DSCAM: variants seen among roughly 807,000 people sequenced by gnomAD.
DSCAM encodes the protein DS cell adhesion molecule.
A neutral mutation model predicts 217.7 loss-of-function variants in DSCAM; 47 were observed. The ratio of observed to expected loss-of-function variants is 0.22; its 90% CI spans 0.17 to 0.28. The LOEUF (loss-of-function observed/expected upper bound fraction) is 0.28. Among genes scored for constraint, DSCAM ranks in the 10% least tolerant of loss-of-function variants. DSCAM has a pLI of 1.00. For synonymous variants in DSCAM, 1,056 were observed against 1,015.3 expected (o/e 1.04, Z -0.76); for missense variants, 2,080 against 2,618.3 (o/e 0.79, Z 4.49).
At chr21:40,736,962 C>T (rs148052337) in intron 1 of DSCAM, among the ~76,000 whole-genome samples, 155 of 151,966 alleles carry the variant, frequency 1.0e-3, no homozygotes, top group African/African-American at 3.5e-3. Flanking sequence ...TTAAAAAGAC[C>T]GTGAAACACT....
chr21:40,184,685 G>A lies in DSCAM; in HGVS notation c.2779+2446C>T, dbSNP rs1173366286. Among the ~76,000 whole-genome samples, 3 of 152,184 alleles carry A rather than the reference G, an allele frequency of 2.0e-5. No individual in the cohort carries two copies. In the East Asian group the frequency reaches 5.8e-4, roughly 29 times the overall value. ...AATGATTCTTAGATTTCAATTGCAT[G>A]TAAATTAATGCAATAAACATTTACA... On this transcript the variant is annotated intron_variant, in intron 14 of 32. Transcript: ENST00000400454.
Position 40,013,081 on chromosome 21 carries a change from G to A in DSCAM, c.5992C>T (p.His1998Tyr). The change falls in exon 33 of 33, where the codon CAT becomes TAT. Residue 1998 changes from histidine to tyrosine, a missense_variant. By Grantham distance (83) the His-to-Tyr change is moderately conservative. This residue lies in a region of DSCAM where 145 missense variants were observed against 138.5 expected (regional missense o/e 1.05). Coordinates refer to ENST00000400454, the MANE Select transcript of DSCAM (RefSeq NM_001389.5). ...SQESLLDSRG[H>Y]LKGNNPYAKS... The stretch of plus-strand genomic sequence containing the variant: ...GCGTAAGGATTGTTTCCTTTCAAAT[G>A]GCCCCGGGAGTCGAGCAGTGATTCT... 6.4e-7 allele frequency: 1 copy of A among 1,571,212 alleles called. No individual in the cohort carries two copies. Among genetic ancestry groups the A allele is most frequent in the South Asian group, 1.2e-5 (1 of 83,552 alleles).
chr21:40,660,168 A>G (rs2090123591), intron 3 of DSCAM, among the ~76,000 whole-genome samples: 2 of 152,224 alleles, frequency 1.3e-5, no homozygotes, highest in African/African-American at 4.8e-5. Context: ...CCACACAGTT[A>G]ATGAGCAGCA....
chr21:40,626,450 C>T (rs1340777203), intron 3 of DSCAM, among the ~76,000 whole-genome samples: 2 of 152,188 alleles, frequency 1.3e-5, no homozygotes, highest in Non-Finnish European at 2.9e-5. Context: ...TCTTCACCCA[C>T]CCACTGTGTC....
chr21:40,652,357 A>G (rs2090025575), intron 3 of DSCAM, among the ~76,000 whole-genome samples: 1 of 152,128 alleles, frequency 6.6e-6, no homozygotes, highest in Admixed American at 6.5e-5. Flanking sequence ...CAAAAAAAAA[A>G]AAAAACAACT....
intron 2 of DSCAM, among the ~76,000 whole-genome samples, chr21:40,702,707 CTTCT>C (rs1210073538): frequency 9.3e-5 from 14 of 150,886 alleles, no homozygotes; most frequent in African/African-American, 3.4e-4. Context: ...TTATCATTTT[CTTCT>C]TTGTTTTGGA....
intron 1 of DSCAM, among the ~76,000 whole-genome samples, chr21:40,736,980 ATACT>A (rs2091070175): frequency 6.6e-6 from 1 of 152,214 alleles, no homozygotes; most frequent in Non-Finnish European, 1.5e-5. Context: ...ACTATAGAAA[ATACT>A]TAAGATAAAA....
At position 40,387,855 on chromosome 21, in the gene DSCAM, T is replaced by G. The variant is rs73357171; in HGVS notation, c.509-18610A>C. Among the ~76,000 whole-genome samples the G allele has an allele frequency of 5.9e-3, 892 of 152,314 alleles. 11 individuals carry two copies. Among genetic ancestry groups the G allele is most frequent in the African/African-American group, 0.02 (826 of 41,560 alleles). On this transcript the variant is annotated intron_variant, in intron 3 of 32. Coordinates refer to ENST00000400454, the MANE Select transcript of DSCAM (RefSeq NM_001389.5). Reference sequence around the variant, plus strand: ...AAATATTAGATAAACAATAAAATATTTGCAGAATGGGCAGAAATAAAACAC... The same window carrying G: ...AAATATTAGATAAACAATAAAATATGTGCAGAATGGGCAGAAATAAAACAC...
rs529239169 is a variant in DSCAM, at chr21:40,786,249, A to G, written c.43+60370T>C. Among the ~76,000 whole-genome samples the G allele has an allele frequency of 1.7e-4, 21 of 126,490 alleles. 1 individual carries two copies. The South Asian group carries it at 7.2e-3, about 43-fold the overall frequency. 83.0% of individuals were successfully genotyped at this position (126,490 alleles called of 152,430 possible). On this transcript the variant is annotated intron_variant, in intron 1 of 32. Transcript: ENST00000400454. ...GAAACTCAGTCTCAAAACAAAACAAAGAAAGAAGGAAGGAAGGAAGGAAAG... is the reference window on the plus strand; with the variant it reads ...GAAACTCAGTCTCAAAACAAAACAAGGAAAGAAGGAAGGAAGGAAGGAAAG...
chr21:40,221,359 A>G lies in DSCAM; in HGVS notation c.2357-32121T>C, dbSNP rs1206024394. On this transcript the variant is annotated intron_variant, in intron 11 of 32. Coordinates refer to ENST00000400454, the MANE Select transcript of DSCAM (RefSeq NM_001389.5). Reference sequence around the variant, plus strand: ...AAAATTATTTCATATGTATATTTATATGTATAATAATGTGTACGTGTATAA... The same window carrying G: ...AAAATTATTTCATATGTATATTTATGTGTATAATAATGTGTACGTGTATAA... 1.1e-4 allele frequency among the ~76,000 whole-genome samples: 16 copies of G among 150,738 alleles called. No homozygotes were observed. The Admixed American group carries it at 1.1e-3, about 10-fold the overall frequency.
At chr21:40,157,048 C>G (rs1225903095) in intron 16 of DSCAM, among the ~76,000 whole-genome samples, 1 of 152,024 alleles carries the variant, frequency 6.6e-6, no homozygotes, top group Non-Finnish European at 1.5e-5. Flanking sequence ...TTATGTGGCT[C>G]TTAGCTAACA....
At chr21:40,544,556 CCA>C (rs925045226) in intron 3 of DSCAM, among the ~76,000 whole-genome samples, 3 of 152,056 alleles carry the variant, frequency 2.0e-5, no homozygotes, top group Admixed American at 6.6e-5. Flanking sequence ...AGTGATACGG[CCA>C]CAAGCCAAGG....
Position 40,093,883 on chromosome 21 carries a change from A to C in DSCAM, c.3697-9T>G. On this transcript the variant is annotated splice_polypyrimidine_tract_variant and intron_variant, in intron 20 of 32. Transcript: ENST00000400454. ...TCAAACTCGCTGATCACCTGTAAAA[A>C]GAGACATAAGTGTTCCCACATTCAA... 1.2e-6 allele frequency: 2 copies of C among 1,611,604 alleles called. No homozygotes were observed.
chr21:40,791,840 G>A (rs1245096340), intron 1 of DSCAM, among the ~76,000 whole-genome samples: 1 of 152,090 alleles, frequency 6.6e-6, no homozygotes, highest in Non-Finnish European at 1.5e-5. Context: ...GCTCAGCACT[G>A]CAGTCCATTT....
intron 3 of DSCAM, among the ~76,000 whole-genome samples, chr21:40,647,760 A>T (rs1471770331): frequency 6.6e-6 from 1 of 152,232 alleles, no homozygotes; most frequent in East Asian, 1.9e-4. Context: ...TCATTTCATA[A>T]TGCAGAAACC....
In DSCAM at chr21:40,012,284, C is replaced by G. The variant is rs1012348862; in HGVS notation, c.*750G>C. 1 of 152,138 alleles carries G rather than the reference C, an allele frequency of 6.6e-6. No homozygotes were observed. The highest frequency in any genetic ancestry group is 1.5e-5 in the Non-Finnish European group (1 of 68,048). The allele number at this position is 152,138 out of a possible 1,614,324, so 9.4% of individuals were successfully genotyped here. A position where few individuals can be genotyped will look rare whatever the true frequency, so the allele number is the denominator to read the frequency against. On this transcript the variant is annotated 3_prime_UTR_variant, in exon 33 of 33. Coordinates refer to ENST00000400454, the MANE Select transcript of DSCAM (RefSeq NM_001389.5). ...GCTTCCTGGAGATTCCTGAGGAGTTCAGGGTGTTAGTATCGACTCTGGTTT... is the reference window on the plus strand; with the variant it reads ...GCTTCCTGGAGATTCCTGAGGAGTTGAGGGTGTTAGTATCGACTCTGGTTT...
At chr21:40,464,233 A>G (rs1435672741) in intron 3 of DSCAM, among the ~76,000 whole-genome samples, 1 of 152,220 alleles carries the variant, frequency 6.6e-6, no homozygotes, top group African/African-American at 2.4e-5. Flanking sequence ...GGGAACATCA[A>G]TAAAAGTAAA....
intron 8 of DSCAM, among the ~76,000 whole-genome samples, chr21:40,332,891 A>T (rs1366396919): frequency 6.6e-6 from 1 of 152,192 alleles, no homozygotes; most frequent in African/African-American, 2.4e-5. Context: ...AAAAAATAGT[A>T]TTGTTTCCAA....
chr21:40,727,935 C>T (rs2090973976), intron 1 of DSCAM, among the ~76,000 whole-genome samples: 1 of 152,176 alleles, frequency 6.6e-6, no homozygotes, highest in African/African-American at 2.4e-5. Flanking sequence ...TGCAGGCTCC[C>T]ACCTCTGGGT....
Sources: allele counts gnomAD v4.1 joint callset (sites outside exome capture counted in the v4.1 genomes callset), GRCh38; gene constraint gnomAD v4.1.1; regional missense constraint gnomAD v4.1.1; transcripts MANE v1.5; gene names NCBI Gene and HGNC (gene_info 2026-07-23, HGNC 2026-07-21).